The following RABEP1 variants were observed in gnomAD, a reference collection of about 807,000 sequenced individuals.
RABEP1 encodes the protein rab GTPase-binding effector protein 1.
In RABEP1, 51 loss-of-function variants were observed where a neutral mutation model predicts 123.4. The ratio of observed to expected loss-of-function variants is 0.41; its 90% CI spans 0.33 to 0.52. The LOEUF is 0.52. Among genes scored for constraint, RABEP1 ranks in the 20% least tolerant of loss-of-function variants. The probability of loss-of-function intolerance (pLI) is 0.16; values close to 1 mark genes in which losing one functional copy is unlikely to be tolerated. For missense variants in RABEP1, 888 were observed against 996.3 expected (o/e 0.89, Z 1.46); for synonymous variants, 347 against 355.2 (o/e 0.98, Z 0.26).
chr17:5,290,311 C>T (rs1026668958), intron 1 of RABEP1, among the ~76,000 whole-genome samples: 1 of 152,100 alleles, frequency 6.6e-6, no homozygotes, highest in Non-Finnish European at 1.5e-5. Context: ...GATGGTCTCG[C>T]TCTCCTGACC....
intron 1 of RABEP1, among the ~76,000 whole-genome samples, chr17:5,285,502 G>A (rs1157971184): frequency 6.6e-6 from 1 of 152,030 alleles, no homozygotes. Context: ...TAGTTACACA[G>A]ACATGCTACC....
intron 12 of RABEP1, among the ~76,000 whole-genome samples, chr17:5,372,454 A>G (rs1326774371): frequency 6.6e-6 from 1 of 152,078 alleles, no homozygotes; most frequent in South Asian, 2.1e-4. Context: ...GTCTCAAAAG[A>G]AAAAAAAGAA....
At chr17:5,312,553 A>G (rs1473624893) in intron 2 of RABEP1, among the ~76,000 whole-genome samples, 1 of 152,146 alleles carries the variant, frequency 6.6e-6, no homozygotes. Context: ...CTTGGAAAGG[A>G]TTACTGACTG....
intron 10 of RABEP1, 79 bp from the exon 11 acceptor site, chr17:5,365,041 TAA>T: frequency 2.5e-6 from 2 of 807,950 alleles, no homozygotes; most frequent in Non-Finnish European, 1.9e-6. Context: ...GATTTTTTTT[TAA>T]AATTCTGGAG....
chr17:5,366,968 A>G (rs1304162899), intron 11 of RABEP1, among the ~76,000 whole-genome samples: 1 of 151,364 alleles, frequency 6.6e-6, no homozygotes, highest in Non-Finnish European at 1.5e-5. Context: ...GCATTCCTGT[A>G]ATCCCAGCCA....
At chr17:5,283,630 C>T (rs2074950122) in intron 1 of RABEP1, among the ~76,000 whole-genome samples, 1 of 152,142 alleles carries the variant, frequency 6.6e-6, no homozygotes, top group East Asian at 1.9e-4. Context: ...GGGCTTGGTA[C>T]GGAGTAGGTA....
chr17:5,294,999 C>T (rs140590333), intron 1 of RABEP1, among the ~76,000 whole-genome samples: 92 of 150,992 alleles, frequency 6.1e-4, no homozygotes, highest in African/African-American at 2.0e-3. Flanking sequence ...TAAAAAAAAA[C>T]GTAAAAATTT....
At chr17:5,325,216 AT>A (rs1261802129) in intron 2 of RABEP1, among the ~76,000 whole-genome samples, 1 of 152,068 alleles carries the variant, frequency 6.6e-6, no homozygotes, top group African/African-American at 2.4e-5. Flanking sequence ...CCTGCGTGTA[AT>A]CCCAGCTACT....
chr17:5,306,560 G>A (rs140376495), intron 1 of RABEP1, among the ~76,000 whole-genome samples: 3,666 of 151,872 alleles, frequency 0.024, 157 homozygotes, highest in African/African-American at 0.082. Context: ...TCCGGGAGGC[G>A]GAGGTTGCAA....
chr17:5,358,500 T>TC (rs1442965901), intron 8 of RABEP1, among the ~76,000 whole-genome samples: 1 of 151,988 alleles, frequency 6.6e-6, no homozygotes, highest in Non-Finnish European at 1.5e-5. Context: ...GCGGAACTCA[T>TC]CCCTACTAAA....
rs957066740 is a variant in RABEP1 at position 5,368,371 on chromosome 17, T to C, written c.1787T>C (p.Ile596Thr). Residue 596 changes from isoleucine (I) to threonine (T), a missense_variant and splice_region_variant, in exon 12 of 18, where the codon ATC (isoleucine) becomes ACC (threonine). Ile to Thr is a moderately conservative substitution (Grantham distance 89, BLOSUM62 -1). Coordinates refer to ENST00000537505, the MANE Select transcript of RABEP1 (RefSeq NM_004703.6). ...KQSSEDSSHQ[I>T]SALVLRAQAS... is the part of the protein sequence containing the mutation. Reference sequence around the variant, plus strand: ...TTCTATACATGTGTTTTTTTAAAGATCTCTGCACTCGTCCTAAGAGCCCAG... The same window carrying C: ...TTCTATACATGTGTTTTTTTAAAGACCTCTGCACTCGTCCTAAGAGCCCAG... 1.9e-6 allele frequency: 3 copies of C among 1,607,780 alleles called. No homozygotes were observed. In the African/African-American group the frequency reaches 4.0e-5, roughly 22 times the overall value.
intron 1 of RABEP1, among the ~76,000 whole-genome samples, chr17:5,301,741 G>C (rs979341198): frequency 6.6e-6 from 1 of 151,368 alleles, no homozygotes; most frequent in Non-Finnish European, 1.5e-5. Context: ...ATATACCAAG[G>C]GTCTCTTAGG....
intron 11 of RABEP1, among the ~76,000 whole-genome samples, chr17:5,366,865 A>G (rs1324132160): frequency 2.6e-5 from 4 of 151,606 alleles, no homozygotes; most frequent in Non-Finnish European, 4.4e-5. Flanking sequence ...CGAGGCGGGC[A>G]GATTACCTGA....
chr17:5,297,877 T>C (rs1199825942), intron 1 of RABEP1, among the ~76,000 whole-genome samples: 1 of 152,234 alleles, frequency 6.6e-6, no homozygotes, highest in African/African-American at 2.4e-5. Flanking sequence ...AAATAGGCAA[T>C]GGATACTTGA....
intron 15 of RABEP1, 28 bp from the exon 16 acceptor site, chr17:5,380,336 T>C: frequency 6.8e-7 from 1 of 1,477,914 alleles, no homozygotes. Flanking sequence ...GGAGTTTCTG[T>C]GAGTTTCAGC....
At chr17:5,365,282 GTTAT>G (rs777629871) in intron 11 of RABEP1, 44 bp downstream of exon 11, 1 of 1,256,208 alleles carries the variant, frequency 8.0e-7, no homozygotes. Flanking sequence ...GGATGACTGG[GTTAT>G]TTAAATGAAA....
chr17:5,344,415 G>A (rs1907885699), intron 5 of RABEP1, among the ~76,000 whole-genome samples: 1 of 151,998 alleles, frequency 6.6e-6, no homozygotes, highest in Non-Finnish European at 1.5e-5. Context: ...TCCAGCCAGA[G>A]CAACAGAGTG....
chr17:5,311,827 A>G (rs1203876073), intron 2 of RABEP1, among the ~76,000 whole-genome samples: 2 of 152,104 alleles, frequency 1.3e-5, no homozygotes, highest in African/African-American at 4.8e-5. Flanking sequence ...ATTTACTGCT[A>G]GAAAAAGATA....
At chr17:5,367,459 C>G (rs560640573) in intron 11 of RABEP1, among the ~76,000 whole-genome samples, 2 of 151,386 alleles carry the variant, frequency 1.3e-5, no homozygotes, top group Non-Finnish European at 3.0e-5. Flanking sequence ...TTAGTAGAGA[C>G]GGGGTTTCAC....
Sources: allele counts gnomAD v4.1 joint callset (sites outside exome capture counted in the v4.1 genomes callset), GRCh38; gene constraint gnomAD v4.1.1; transcripts MANE v1.5; gene names NCBI Gene and HGNC (gene_info 2026-07-23, HGNC 2026-07-21).